The following NFATC1 variants were observed in gnomAD, a reference collection of about 807,000 sequenced individuals.
NFATC1 encodes the protein nuclear factor of activated T cells 1.
In NFATC1, 22 loss-of-function variants were observed where a neutral mutation model predicts 76.0. That is an observed-to-expected ratio of 0.29 (90% CI 0.21 to 0.41). The LOEUF (loss-of-function observed/expected upper bound fraction) is 0.41. Ranked by LOEUF, NFATC1 falls within the 10% of genes least tolerant of loss-of-function variation. The probability of loss-of-function intolerance (pLI) is 1.00; values close to 1 mark genes in which losing one functional copy is unlikely to be tolerated. For missense variants in NFATC1, 1,357 were observed against 1,337.7 expected, an observed-to-expected ratio of 1.01 and a Z score of -0.23; for synonymous variants, 704 against 613.1, an observed-to-expected ratio of 1.15 and a Z score of -2.19.
intron 1 of NFATC1, chr18:79,402,295 C>A: frequency 1.0e-6 from 1 of 982,216 alleles, no homozygotes; most frequent in Non-Finnish European, 1.2e-6. Flanking sequence ...TTGAGGTGGG[C>A]GGGCTTCCTG....
intron 1 of NFATC1, among the ~76,000 whole-genome samples, chr18:79,403,456 C>T (rs761995513): frequency 5.9e-5 from 9 of 152,234 alleles, no homozygotes; most frequent in Non-Finnish European, 8.8e-5. Flanking sequence ...GAGGAGGTCC[C>T]GCTCCCTTCT....
intron 2 of NFATC1, among the ~76,000 whole-genome samples, chr18:79,415,387 A>T (rs1055173387): frequency 3.3e-5 from 5 of 152,192 alleles, no homozygotes; most frequent in African/African-American, 9.6e-5. Flanking sequence ...GGTTCACGCC[A>T]TTCTCCTGAC....
intron 2 of NFATC1, among the ~76,000 whole-genome samples, chr18:79,432,119 G>A (rs1369628258): frequency 5.3e-5 from 8 of 152,258 alleles, no homozygotes; most frequent in African/African-American, 1.2e-4. Context: ...CGACTGCATC[G>A]CATGGAACCT....
chr18:79,418,855 G>A (rs972753977), intron 2 of NFATC1, among the ~76,000 whole-genome samples: 6 of 152,328 alleles, frequency 3.9e-5, no homozygotes, highest in Admixed American at 3.9e-4. Context: ...GTGTGAGGGT[G>A]TGAGGAGGCT....
At position 79,396,331 on chromosome 18, in the gene NFATC1, C is replaced by A; in HGVS notation, c.107C>A (p.Thr36Asn). The A allele has an allele frequency of 1.4e-6, 2 of 1,404,982 alleles. No individual in the cohort carries two copies. Among genetic ancestry groups the A allele is most frequent in the South Asian group, 1.5e-5 (1 of 68,890 alleles). The allele number at this position is 1,404,982 out of a possible 1,614,324, so 87.0% of individuals were successfully genotyped here. ...TLGPAPRAGG[T>N]MKSAEEEHYG... is the part of the protein sequence containing the mutation. ...GGGCCCGCGCCGCGCGCCGGCGGCA[C>A]CATGAAGTCAGCGGAGGAAGGTAAG... The change falls in exon 1 of 10, where the codon ACC (threonine) becomes AAC (asparagine). Residue 36 changes from threonine (T) to asparagine (N), a missense_variant. This residue lies in a region of NFATC1 where 691 missense variants were observed against 613.1 expected (regional missense o/e 1.13). Coordinates refer to ENST00000427363, the MANE Select transcript of NFATC1 (RefSeq NM_001278669.2).
At chr18:79,468,787 G>A (rs1227864777) in intron 8 of NFATC1, 2 of 152,382 alleles carry the variant, frequency 1.3e-5, no homozygotes, top group African/African-American at 4.8e-5. Flanking sequence ...AAGAGTGTCT[G>A]TGAGACAGAG....
At chr18:79,501,196 G>A (rs1048134101) in intron 9 of NFATC1, among the ~76,000 whole-genome samples, 1 of 152,150 alleles carries the variant, frequency 6.6e-6, no homozygotes, top group African/African-American at 2.4e-5. Context: ...GTCATGTGAT[G>A]TACCATATTA....
chr18:79,514,976 C>T (rs908709581), intron 9 of NFATC1, among the ~76,000 whole-genome samples: 1 of 151,698 alleles, frequency 6.6e-6, no homozygotes, highest in African/African-American at 2.4e-5. Context: ...CCTGGGAGGT[C>T]GAGGCTGCAG....
rs1315854517 is a variant in NFATC1, at chr18:79,486,230, T to G, written c.2093-18T>G. 6.3e-7 allele frequency: 1 copy of G among 1,586,918 alleles called. No individual in the cohort carries two copies. The highest frequency in any genetic ancestry group is 1.4e-5 in the African/African-American group (1 of 73,822). ...TTCGCAACTTGTGTTTATTTAATTT[T>G]TTTTTTCCTTCTCACAGTTCCAATT... On this transcript the variant is annotated intron_variant, in intron 8 of 9. Coordinates refer to ENST00000427363, the MANE Select transcript of NFATC1 (RefSeq NM_001278669.2).
chr18:79,428,346 ACAG>A, intron 2 of NFATC1, among the ~76,000 whole-genome samples: 1 of 152,204 alleles, frequency 6.6e-6, no homozygotes, highest in East Asian at 1.9e-4. Context: ...AAAGATGCAA[ACAG>A]CAGGCCAGAA....
At chr18:79,476,324 C>T (rs985707518) in intron 8 of NFATC1, among the ~76,000 whole-genome samples, 2 of 152,288 alleles carry the variant, frequency 1.3e-5, no homozygotes, top group African/African-American at 4.8e-5. Context: ...GGCTCCACAG[C>T]TGCCTGGGAG....
intron 9 of NFATC1, among the ~76,000 whole-genome samples, chr18:79,508,444 G>T (rs1012596613): frequency 6.6e-6 from 1 of 152,026 alleles, no homozygotes; most frequent in Non-Finnish European, 1.5e-5. Flanking sequence ...TTTAAGAAAA[G>T]AGCTCAGAAA....
intron 3 of NFATC1, among the ~76,000 whole-genome samples, chr18:79,438,569 T>G (rs1490433397): frequency 6.6e-6 from 1 of 152,234 alleles, no homozygotes; most frequent in South Asian, 2.1e-4. Context: ...AATAGGTCAC[T>G]GGAATGTGAA....
At chr18:79,396,472 G>A (rs952878100) in intron 1 of NFATC1, 121 bp downstream of exon 1, 3 of 540,532 alleles carry the variant, frequency 5.6e-6, no homozygotes, top group East Asian at 6.4e-5. Context: ...AGGTCGGCCG[G>A]GTCTGTGCGC....
At chr18:79,453,164 C>T (rs1416502943) in intron 6 of NFATC1, among the ~76,000 whole-genome samples, 2 of 152,232 alleles carry the variant, frequency 1.3e-5, no homozygotes, top group African/African-American at 2.4e-5. Flanking sequence ...CGGTGTGTGT[C>T]CACGCGTTGG....
intron 2 of NFATC1, among the ~76,000 whole-genome samples, chr18:79,424,652 C>T (rs902515812): frequency 9.4e-5 from 11 of 117,548 alleles, no homozygotes; most frequent in Admixed American, 1.7e-4. Flanking sequence ...TCTCTCTTTC[C>T]GTCTCTGTCT....
intron 4 of NFATC1, among the ~76,000 whole-genome samples, chr18:79,449,997 G>A (rs1213416946): frequency 1.3e-5 from 2 of 152,238 alleles, no homozygotes; most frequent in Non-Finnish European, 2.9e-5. Flanking sequence ...TTTGCCTCGA[G>A]AGCTGTAATC....
chr18:79,463,472 C>T (rs548313722), intron 7 of NFATC1, among the ~76,000 whole-genome samples: 5 of 148,556 alleles, frequency 3.4e-5, no homozygotes, highest in Non-Finnish European at 7.4e-5. Context: ...GCCTCTCCTC[C>T]CCACAGCCCG....
At chr18:79,502,823 G>A (rs905400181) in intron 9 of NFATC1, among the ~76,000 whole-genome samples, 4 of 152,186 alleles carry the variant, frequency 2.6e-5, no homozygotes, top group African/African-American at 9.7e-5. Context: ...ATAGACAACA[G>A]CCAATTTTAG....
Sources: allele counts gnomAD v4.1 joint callset (sites outside exome capture counted in the v4.1 genomes callset), GRCh38; gene constraint gnomAD v4.1.1; regional missense constraint gnomAD v4.1.1; transcripts MANE v1.5; gene names NCBI Gene and HGNC (gene_info 2026-07-23, HGNC 2026-07-21).